The following CNTN5 variants were observed in gnomAD, a reference collection of about 807,000 sequenced individuals.
The protein encoded by CNTN5 is contactin-5.
A neutral mutation model predicts 129.1 loss-of-function variants in CNTN5; 77 were observed. That is an observed-to-expected ratio of 0.60 (90% confidence interval 0.50 to 0.72). The LOEUF (loss-of-function observed/expected upper bound fraction) is 0.72. Among genes scored for constraint, CNTN5 ranks in the 30% least tolerant of loss-of-function variants. CNTN5 has a pLI of 0.00. For missense variants in CNTN5, 1,478 were observed against 1,328.8 expected (o/e 1.11, Z -1.75); for synonymous variants, 509 against 465.6 (o/e 1.09, Z -1.20).
At chr11:99,501,835 C>CTGGAGAAAATACA (rs1485811529) in intron 2 of CNTN5, among the ~76,000 whole-genome samples, 1 of 152,232 alleles carries the variant, frequency 6.6e-6, no homozygotes, top group Non-Finnish European at 1.5e-5. Context: ...ATACACTCAC[C>CTGGAGAAAATACA]TGTCAGTATT....
At chr11:100,199,578 G>C (rs1348179068) in intron 15 of CNTN5, among the ~76,000 whole-genome samples, 1 of 151,838 alleles carries the variant, frequency 6.6e-6, no homozygotes, top group Non-Finnish European at 1.5e-5. Context: ...AAAGGTTTTA[G>C]AATATTCAGA....
intron 9 of CNTN5, among the ~76,000 whole-genome samples, chr11:100,015,168 T>C (rs947723951): frequency 6.6e-6 from 1 of 152,088 alleles, no homozygotes; most frequent in Non-Finnish European, 1.5e-5. Flanking sequence ...TAAACCAATA[T>C]ATTAAAAAAC....
In CNTN5 at chr11:100,356,270, T is replaced by C. The variant is rs1452331003; in HGVS notation, c.*50T>C. The C allele has an allele frequency of 5.7e-6, 7 of 1,224,130 alleles. No individual in the cohort carries two copies. The Admixed American group carries it at 1.4e-4, about 24-fold the overall frequency. 75.8% of individuals were successfully genotyped at this position (1,224,130 alleles called of 1,614,324 possible). A position where few individuals can be genotyped will look rare whatever the true frequency, so the allele number is the denominator to read the frequency against. On this transcript the variant is annotated 3_prime_UTR_variant, in exon 25 of 25. Coordinates refer to ENST00000524871, the MANE Select transcript of CNTN5 (RefSeq NM_014361.4). ...GTTTGCTTTAGCTTGGTAACAGCGG[T>C]GAATAGAGTGTAGTGTAAGTGGAGA... is the stretch of plus-strand genomic sequence containing the variant.
intron 3 of CNTN5, among the ~76,000 whole-genome samples, chr11:99,639,559 G>GTTTTTTTTTTTTTTTTTTTT (rs71050010): frequency 2.8e-5 from 2 of 70,322 alleles, no homozygotes; most frequent in Non-Finnish European, 2.5e-5. Flanking sequence ...TCACCTTTAT[G>GTTTTTTTTTTTTTTTTTTTT]TTTTTTTTTT....
At chr11:100,236,876 A>C (rs1949625534) in intron 16 of CNTN5, among the ~76,000 whole-genome samples, 1 of 152,086 alleles carries the variant, frequency 6.6e-6, no homozygotes, top group Non-Finnish European at 1.5e-5. Flanking sequence ...CCTGTTTTTG[A>C]CAACCCAAAT....
intron 13 of CNTN5, among the ~76,000 whole-genome samples, chr11:100,179,937 C>T (rs368170711): frequency 3.9e-5 from 6 of 151,958 alleles, no homozygotes; most frequent in African/African-American, 1.4e-4. Context: ...ACAAAGAAAA[C>T]TTTAGGTGTA....
chr11:99,577,569 T>G (rs1949397414), intron 3 of CNTN5, among the ~76,000 whole-genome samples: 2 of 152,168 alleles, frequency 1.3e-5, no homozygotes, highest in Admixed American at 1.3e-4. Flanking sequence ...GATTTTCATT[T>G]AATTAAAAAT....
At chr11:99,140,942 T>C (rs1375724703) in intron 1 of CNTN5, among the ~76,000 whole-genome samples, 1 of 152,038 alleles carries the variant, frequency 6.6e-6, no homozygotes, top group Admixed American at 6.6e-5. Flanking sequence ...TTTAGGGATA[T>C]TAGCCTGAAG....
At chr11:99,431,419 A>C (rs770084798) in intron 2 of CNTN5, among the ~76,000 whole-genome samples, 4 of 152,200 alleles carry the variant, frequency 2.6e-5, no homozygotes, top group Non-Finnish European at 4.4e-5. Context: ...TCCTGGAAGC[A>C]GGAAAACTCA....
chr11:99,766,637 A>G (rs1358042214), intron 3 of CNTN5, among the ~76,000 whole-genome samples: 2 of 152,060 alleles, frequency 1.3e-5, no homozygotes, highest in Non-Finnish European at 2.9e-5. Context: ...TATTTTCTTA[A>G]CACTTTTATT....
intron 7 of CNTN5, among the ~76,000 whole-genome samples, chr11:99,922,601 T>C (rs1384594369): frequency 6.6e-6 from 1 of 152,226 alleles, no homozygotes; most frequent in Non-Finnish European, 1.5e-5. Context: ...GATGCTTGAT[T>C]GCATTTTGTT....
intron 1 of CNTN5, among the ~76,000 whole-genome samples, chr11:99,307,444 A>C (rs1354377695): frequency 1.3e-5 from 2 of 152,200 alleles, no homozygotes; most frequent in Non-Finnish European, 2.9e-5. Context: ...AAAGAAATCT[A>C]TTCAAAAAAT....
chr11:99,528,580 C>A (rs1947577323), intron 2 of CNTN5, among the ~76,000 whole-genome samples: 1 of 152,196 alleles, frequency 6.6e-6, no homozygotes, highest in African/African-American at 2.4e-5. Context: ...TTATCTTTCA[C>A]AAATGCACAC....
At chr11:99,798,403 T>A (rs892203282) in intron 3 of CNTN5, among the ~76,000 whole-genome samples, 1 of 152,190 alleles carries the variant, frequency 6.6e-6, no homozygotes, top group Non-Finnish European at 1.5e-5. Context: ...ATTTGGTGTT[T>A]TGCATTAAAA....
At chr11:99,753,680 G>A (rs977604635) in intron 3 of CNTN5, among the ~76,000 whole-genome samples, 24 of 120,842 alleles carry the variant, frequency 2.0e-4, no homozygotes, top group Middle Eastern at 4.6e-3. Context: ...CAGGTAAAAA[G>A]AAATCACTTC....
chr11:99,655,536 C>CA (rs1279255847), intron 3 of CNTN5, among the ~76,000 whole-genome samples: 3 of 152,110 alleles, frequency 2.0e-5, no homozygotes, highest in African/African-American at 7.2e-5. Context: ...ATAGTCTTTT[C>CA]ATAAAGGTCA....
At chr11:99,294,408 C>A (rs914769292) in intron 1 of CNTN5, among the ~76,000 whole-genome samples, 2 of 152,158 alleles carry the variant, frequency 1.3e-5, no homozygotes, top group Middle Eastern at 3.4e-3. Flanking sequence ...GGAAAGCAAT[C>A]CCATTTACAA....
intron 1 of CNTN5, among the ~76,000 whole-genome samples, chr11:99,290,580 C>T (rs1204678045): frequency 2.0e-5 from 3 of 151,788 alleles, no homozygotes; most frequent in African/African-American, 7.2e-5. Flanking sequence ...TTTGTTAGAG[C>T]TGAAGATCAG....
chr11:99,431,341 A>T (rs1409794515), intron 2 of CNTN5, among the ~76,000 whole-genome samples: 1 of 152,140 alleles, frequency 6.6e-6, no homozygotes. Flanking sequence ...AGGAGGAAAA[A>T]GCTCATACTT....
Sources: allele counts gnomAD v4.1 joint callset (sites outside exome capture counted in the v4.1 genomes callset), GRCh38; gene constraint gnomAD v4.1.1; transcripts MANE v1.5; gene names NCBI Gene and HGNC (gene_info 2026-07-23, HGNC 2026-07-21).